Variants in HS6ST3 observed in about 807,000 individuals in gnomAD.
HS6ST3 encodes heparan-sulfate 6-O-sulfotransferase 3.
Under a neutral mutation model 36.7 loss-of-function variants are expected in HS6ST3, and 12 were observed. That is an observed-to-expected ratio of 0.33 (90% CI 0.21 to 0.53). HS6ST3 has a LOEUF of 0.53. Among genes scored for constraint, HS6ST3 ranks in the 20% least tolerant of loss-of-function variants. HS6ST3 has a pLI of 0.95. For synonymous variants in HS6ST3, 240 were observed against 257.5 expected (o/e 0.93, Z 0.65); for missense variants, 584 against 640.9 (o/e 0.91, Z 0.96).
intron 1 of HS6ST3, among the ~76,000 whole-genome samples, chr13:96,149,986 C>T (rs1016813784): frequency 2.0e-5 from 3 of 151,964 alleles, no homozygotes; most frequent in African/African-American, 4.8e-5. Flanking sequence ...GTGAGCGGGA[C>T]GGAGGGTTAC....
At chr13:96,812,622 T>A (rs1878340302) in intron 1 of HS6ST3, among the ~76,000 whole-genome samples, 1 of 152,220 alleles carries the variant, frequency 6.6e-6, no homozygotes, top group South Asian at 2.1e-4. Context: ...TGCCTAACAA[T>A]TATTAGCTTG....
chr13:96,445,602 C>A (rs2139482623), intron 1 of HS6ST3, among the ~76,000 whole-genome samples: 1 of 152,074 alleles, frequency 6.6e-6, no homozygotes, highest in Admixed American at 6.6e-5. Flanking sequence ...TGTGGTGGCT[C>A]ACACCTGTAA....
chr13:96,633,999 G>A (rs1240511079), intron 1 of HS6ST3, among the ~76,000 whole-genome samples: 1 of 152,108 alleles, frequency 6.6e-6, no homozygotes, highest in Non-Finnish European at 1.5e-5. Context: ...TGGGATTGGT[G>A]CTGTTATTAA....
rs138124692 is a variant in HS6ST3 at position 96,379,422 on chromosome 13, A to G, written c.707+287853A>G. 3.1e-3 allele frequency among the ~76,000 whole-genome samples: 477 copies of G among 152,312 alleles called. 6 individuals are homozygous for G. Among genetic ancestry groups the G allele is most frequent in the African/African-American group, 0.011 (451 of 41,574 alleles). On this transcript the variant is annotated intron_variant, in intron 1 of 1. Coordinates refer to ENST00000376705, the MANE Select transcript of HS6ST3 (RefSeq NM_153456.4). ...TGCGAGGACACAGTGAGAAGGTGCC[A>G]TCTATGAACCAGGAAGCAGGTCCTC...
At position 96,833,375 on chromosome 13, in the gene HS6ST3, C is replaced by T; in HGVS notation, c.*177C>T. 3.3e-6 allele frequency: 2 copies of T among 601,224 alleles called. No homozygotes were observed. Among genetic ancestry groups the T allele is most frequent in the South Asian group, 2.4e-5 (1 of 41,888 alleles). The allele number at this position is 601,224 out of a possible 1,614,324, so 37.2% of individuals were successfully genotyped here. ...CCAGCTGGAGATTATCCGTCTTGTTCTTTTTTTTCTTGACATTTTGCAATT... is the reference window on the plus strand; with the variant it reads ...CCAGCTGGAGATTATCCGTCTTGTTTTTTTTTTTCTTGACATTTTGCAATT... On this transcript the variant is annotated 3_prime_UTR_variant, in exon 2 of 2. Coordinates refer to ENST00000376705, the MANE Select transcript of HS6ST3 (RefSeq NM_153456.4).
At chr13:96,631,092 T>C (rs771253380) in intron 1 of HS6ST3, among the ~76,000 whole-genome samples, 2 of 152,154 alleles carry the variant, frequency 1.3e-5, no homozygotes, top group Non-Finnish European at 2.9e-5. Flanking sequence ...TAATTTCTTA[T>C]GAGGAAATAA....
intron 1 of HS6ST3, among the ~76,000 whole-genome samples, chr13:96,700,853 T>C (rs1875266983): frequency 6.6e-6 from 1 of 152,190 alleles, no homozygotes; most frequent in African/African-American, 2.4e-5. Context: ...AATGATTCAC[T>C]CTTATCTCTT....
intron 1 of HS6ST3, among the ~76,000 whole-genome samples, chr13:96,794,735 G>GA (rs1472551217): frequency 6.6e-6 from 1 of 151,952 alleles, no homozygotes; most frequent in African/African-American, 2.4e-5. Flanking sequence ...ACCATCCTCT[G>GA]AAAAAATAAA....
intron 1 of HS6ST3, among the ~76,000 whole-genome samples, chr13:96,485,876 T>A (rs2055911602): frequency 6.6e-6 from 1 of 152,050 alleles, no homozygotes; most frequent in Admixed American, 6.6e-5. Flanking sequence ...TTCTTTTTTT[T>A]ATTATACTTT....
chr13:96,330,326 G>T (rs1357874808), intron 1 of HS6ST3, among the ~76,000 whole-genome samples: 13 of 151,914 alleles, frequency 8.6e-5, no homozygotes, highest in Non-Finnish European at 8.8e-5. Flanking sequence ...GGTACCGGTT[G>T]TTCCTTTCCA....
intron 1 of HS6ST3, among the ~76,000 whole-genome samples, chr13:96,286,163 A>G (rs1235546620): frequency 6.6e-6 from 1 of 151,972 alleles, no homozygotes; most frequent in African/African-American, 2.4e-5. Context: ...TGAGGCTGAC[A>G]TTGTCTGACA....
intron 1 of HS6ST3, among the ~76,000 whole-genome samples, chr13:96,610,888 C>G (rs79226554): frequency 0.034 from 5,162 of 150,896 alleles, 129 homozygotes; most frequent in Admixed American, 0.048. Context: ...AACCCCACAA[C>G]TTCAGGCATA....
intron 1 of HS6ST3, among the ~76,000 whole-genome samples, chr13:96,531,567 C>T (rs746976696): frequency 1.1e-4 from 17 of 152,162 alleles, no homozygotes; most frequent in Non-Finnish European, 2.4e-4. Flanking sequence ...TGGTGCAGGT[C>T]AGCAGGGCAG....
intron 1 of HS6ST3, among the ~76,000 whole-genome samples, chr13:96,297,548 G>GT (rs1555296347): frequency 6.6e-6 from 1 of 152,044 alleles, no homozygotes; most frequent in Non-Finnish European, 1.5e-5. Context: ...CTTTGCCAGC[G>GT]TTAGTTCTCA....
chr13:96,479,243 C>T (rs2055878537), intron 1 of HS6ST3, among the ~76,000 whole-genome samples: 1 of 152,100 alleles, frequency 6.6e-6, no homozygotes, highest in African/African-American at 2.4e-5. Context: ...GAAAGGTGGG[C>T]AGGTGGACAA....
Position 96,833,369 on chromosome 13 carries a change from C to T in HS6ST3, c.*171C>T, listed in dbSNP as rs907274820. 9.9e-6 allele frequency: 6 copies of T among 608,720 alleles called. No homozygotes were observed. The African/African-American group carries it at 1.1e-4, about 11-fold the overall frequency. 37.7% of individuals were successfully genotyped at this position (608,720 alleles called of 1,614,324 possible). On this transcript the variant is annotated 3_prime_UTR_variant, in exon 2 of 2. Coordinates refer to ENST00000376705, the MANE Select transcript of HS6ST3 (RefSeq NM_153456.4). ...TTTTATCCAGCTGGAGATTATCCGT[C>T]TTGTTCTTTTTTTTCTTGACATTTT... is the stretch of plus-strand genomic sequence containing the variant.
At chr13:96,328,455 T>C (rs1199158721) in intron 1 of HS6ST3, among the ~76,000 whole-genome samples, 3 of 152,116 alleles carry the variant, frequency 2.0e-5, no homozygotes, top group African/African-American at 7.2e-5. Flanking sequence ...GTTTTTGTCT[T>C]TGGCTCTGTT....
rs1031319942 is a variant in HS6ST3, at chr13:96,621,023, C to A, written c.708-211467C>A. On this transcript the variant is annotated intron_variant, in intron 1 of 1. Transcript: ENST00000376705. ...CTGGATCCCAGGGTGTGCTTTGGCA[C>A]TTGTTTTAGGCTGTGCTCAATTTCC... Among the ~76,000 whole-genome samples, 9 of 152,166 alleles carry A rather than the reference C, an allele frequency of 5.9e-5. No individual in the cohort carries two copies. The East Asian group carries it at 1.7e-3, about 29-fold the overall frequency.
At chr13:96,691,791 C>T (rs1874967768) in intron 1 of HS6ST3, among the ~76,000 whole-genome samples, 1 of 152,198 alleles carries the variant, frequency 6.6e-6, no homozygotes, top group South Asian at 2.1e-4. Flanking sequence ...AGTGCTTGCT[C>T]TTAGCTAGCT....
Sources: gnomAD v4.1 joint callset for allele counts (sites outside exome capture counted in the v4.1 genomes callset) on GRCh38, gnomAD v4.1.1 for gene constraint, MANE v1.5 for transcripts, NCBI Gene and HGNC (gene_info 2026-07-23, HGNC 2026-07-21) for gene names.